Variants in GFPT1 observed in about 807,000 individuals in gnomAD.
GFPT1 encodes glutamine--fructose-6-phosphate aminotransferase [isomerizing] 1.
A neutral mutation model predicts 92.0 loss-of-function variants in GFPT1; 40 were observed. That is an observed-to-expected ratio of 0.43 (90% CI 0.34 to 0.57). The LOEUF (loss-of-function observed/expected upper bound fraction) is 0.57, where lower values mean the gene tolerates loss of function less well. GFPT1 is among the 20% of genes least tolerant of loss of function. The pLI is 0.02. For missense variants in GFPT1, 448 were observed against 869.1 expected, an observed-to-expected ratio of 0.52 and a Z score of 6.09; for synonymous variants, 269 against 280.6, an observed-to-expected ratio of 0.96 and a Z score of 0.41.
intron 1 of GFPT1, among the ~76,000 whole-genome samples, chr2:69,377,663 AAAAC>A (rs1449107040): frequency 2.6e-5 from 4 of 152,144 alleles, no homozygotes; most frequent in Non-Finnish European, 5.9e-5. Flanking sequence ...CCGTCTCAAA[AAAAC>A]AAACAAAGAA....
chr2:69,326,030 A>G lies in GFPT1; in HGVS notation c.*159T>C. ...GGGAAAATGTAAGAGGTAACTTCAC[A>G]AAAATCACATATTGAGTGGAATAAT... On this transcript the variant is annotated 3_prime_UTR_variant, in exon 20 of 20. Transcript: ENST00000357308. 1 of 590,516 alleles carries G rather than the reference A, an allele frequency of 1.7e-6. No homozygotes were observed. Among genetic ancestry groups the G allele is most frequent in the Non-Finnish European group, 3.0e-6 (1 of 334,104 alleles). The allele number at this position is 590,516 out of a possible 1,614,324, so 36.6% of individuals were successfully genotyped here.
chr2:69,348,385 A>G, intron 10 of GFPT1, 51 bp from the exon 11 acceptor site: 1 of 1,341,716 alleles, frequency 7.5e-7, no homozygotes, highest in South Asian at 1.2e-5. Context: ...GATCATTATT[A>G]CAAATGAAAC....
intron 4 of GFPT1, among the ~76,000 whole-genome samples, 186 bp downstream of exon 4, chr2:69,363,359 C>A (rs576635327): frequency 3.3e-5 from 5 of 152,152 alleles, no homozygotes; most frequent in Non-Finnish European, 7.3e-5. Flanking sequence ...CCAACTCAGG[C>A]TCCCAAAGTG....
chr2:69,328,246 G>A (rs1670579128), intron 18 of GFPT1, 25 bp downstream of exon 18: 1 of 1,586,508 alleles, frequency 6.3e-7, no homozygotes, highest in Non-Finnish European at 8.7e-7. Flanking sequence ...GATCCCCAAG[G>A]TGTTCTCACA....
At chr2:69,338,960 C>G (rs1670870045) in intron 13 of GFPT1, among the ~76,000 whole-genome samples, 1 of 152,094 alleles carries the variant, frequency 6.6e-6, no homozygotes, top group Admixed American at 6.6e-5. Flanking sequence ...CCACCATGCC[C>G]AGCTTAGTAG....
Position 69,348,225 on chromosome 2 carries a change from G to T in GFPT1, c.955C>A (p.His319Asn). 6.2e-7 allele frequency: 1 copy of T among 1,613,672 alleles called. No individual in the cohort carries two copies. The highest frequency in any genetic ancestry group is 8.5e-7 in the Non-Finnish European group (1 of 1,179,556). ...IHRIKRTAGD[H>N]PGRAVQTLQM... ...AGTGTTTGCACAGCTCGTCCGGGGT[G>T]ATCTCCTGCAGTTCGTTTAATTCGA... Residue 319 changes from histidine to asparagine, a missense_variant, in exon 11 of 20, where the codon CAC (histidine) becomes AAC (asparagine). His to Asn is a moderately conservative substitution (Grantham distance 68). This residue lies in a region of GFPT1 where 121 missense variants were observed against 304.3 expected (regional missense o/e 0.40). Transcript: ENST00000357308.
At chr2:69,330,981 G>A (rs188882966) in intron 15 of GFPT1, among the ~76,000 whole-genome samples, 8 of 152,214 alleles carry the variant, frequency 5.3e-5, no homozygotes, top group Non-Finnish European at 8.8e-5. Flanking sequence ...GGCTCAAAAC[G>A]TACTATAAAT....
Position 69,324,317 on chromosome 2 carries a change from T to C in GFPT1, c.*1872A>G, listed in dbSNP as rs1670482388. 1 of 152,182 alleles carries C rather than the reference T, an allele frequency of 6.6e-6. No homozygotes were observed. The highest frequency in any genetic ancestry group is 1.5e-5 in the Non-Finnish European group (1 of 68,046). 9.4% of individuals were successfully genotyped at this position (152,182 alleles called of 1,614,324 possible). On this transcript the variant is annotated 3_prime_UTR_variant, in exon 20 of 20. Transcript: ENST00000357308. Reference sequence around the variant, plus strand: ...AGTTTTAACTTAGAATGCTGAATCATACTTTAAACTATAAGAAATGCTACA... The same window carrying C: ...AGTTTTAACTTAGAATGCTGAATCACACTTTAAACTATAAGAAATGCTACA...
chr2:69,358,115 TA>T (rs1671384456), intron 6 of GFPT1, among the ~76,000 whole-genome samples: 2 of 152,128 alleles, frequency 1.3e-5, no homozygotes, highest in Non-Finnish European at 2.9e-5. Flanking sequence ...TTCATGACAT[TA>T]AACCTGAATG....
chr2:69,369,895 T>TA (rs1284897145), intron 3 of GFPT1, 106 bp downstream of exon 3: 1 of 763,746 alleles, frequency 1.3e-6, no homozygotes, highest in African/African-American at 1.7e-5. Flanking sequence ...CCATTATCAT[T>TA]AAAATTGGTC....
At position 69,324,634 on chromosome 2, in the gene GFPT1, A is replaced by G. The variant is rs1670487988; in HGVS notation, c.*1555T>C. The G allele has an allele frequency of 2.0e-5, 3 of 152,190 alleles. No homozygotes were observed. Among genetic ancestry groups the G allele is most frequent in the South Asian group, 2.1e-4 (1 of 4,818 alleles). 9.4% of individuals were successfully genotyped at this position (152,190 alleles called of 1,614,324 possible). On this transcript the variant is annotated 3_prime_UTR_variant, in exon 20 of 20. Coordinates refer to ENST00000357308, the MANE Select transcript of GFPT1 (RefSeq NM_001244710.2). ...ATTCTATGCTTCTCTGGCAACAACAATAACTATTAGAAAATCTTAACCTCA... is the reference window on the plus strand; with the variant it reads ...ATTCTATGCTTCTCTGGCAACAACAGTAACTATTAGAAAATCTTAACCTCA...
chr2:69,319,998 T>C lies in GFPT1; in HGVS notation c.*6191A>G, dbSNP rs193289228. Reference sequence around the variant, plus strand: ...TTTCTCTTGCCTAGAAGCTAAAGCCTTAATTGTCTCAGATATCTTCCATCT... The same window carrying C: ...TTTCTCTTGCCTAGAAGCTAAAGCCCTAATTGTCTCAGATATCTTCCATCT... On this transcript the variant is annotated 3_prime_UTR_variant, in exon 20 of 20. Transcript: ENST00000357308. The C allele has an allele frequency of 2.0e-5, 3 of 152,340 alleles. No homozygotes were observed. The East Asian group carries it at 5.8e-4, about 29-fold the overall frequency. The allele number at this position is 152,340 out of a possible 1,614,324, so 9.4% of individuals were successfully genotyped here.
chr2:69,375,919 A>G (rs989838874), intron 1 of GFPT1, among the ~76,000 whole-genome samples: 9 of 152,232 alleles, frequency 5.9e-5, no homozygotes, highest in Middle Eastern at 3.2e-3. Context: ...CCAACTTTCA[A>G]TGGCTACTCA....
chr2:69,358,329 C>G lies in GFPT1; in HGVS notation c.543G>C (p.Leu181Phe). 6.2e-7 allele frequency: 1 copy of G among 1,611,356 alleles called. No homozygotes were observed. Among genetic ancestry groups the G allele is most frequent in the Non-Finnish European group, 8.5e-7 (1 of 1,177,794 alleles). The change falls in exon 6 of 20, where the codon TTG becomes TTC. Residue 181 changes from leucine to phenylalanine, a missense_variant and splice_region_variant. By Grantham distance (22) the Leu-to-Phe change is conservative. Transcript: ENST00000357308. ...TATCTTTAAAAATGTGGCTTAATACCAATTGTTGGATAACTCTCTCCACCA... is the reference window on the plus strand; with the variant it reads ...TATCTTTAAAAATGTGGCTTAATACGAATTGTTGGATAACTCTCTCCACCA... ...TTLVERVIQQ[L>F]EGAFALVFKS...
At chr2:69,363,915 G>C (rs1045015677) in intron 3 of GFPT1, among the ~76,000 whole-genome samples, 1 of 152,136 alleles carries the variant, frequency 6.6e-6, no homozygotes, top group Non-Finnish European at 1.5e-5. Context: ...AGGAGTTCAA[G>C]ACCAGTCTGG....
At chr2:69,361,889 AAG>A (rs1340205682) in intron 4 of GFPT1, among the ~76,000 whole-genome samples, 6 of 152,142 alleles carry the variant, frequency 3.9e-5, no homozygotes, top group Non-Finnish European at 8.8e-5. Context: ...CTGAGGCAGG[AAG>A]ATCACTTGTG....
Position 69,374,073 on chromosome 2 carries a change from T to C in GFPT1, c.48A>G (p.Arg16=), listed in dbSNP as rs2104688305. 6.3e-7 allele frequency: 1 copy of C among 1,599,314 alleles called. No homozygotes were observed. Among genetic ancestry groups the C allele is most frequent in the East Asian group, 2.2e-5 (1 of 44,626 alleles). Residue 16 remains arginine (R), a synonymous_variant, in exon 2 of 20, where the codon AGA becomes AGG. Coordinates refer to ENST00000357308, the MANE Select transcript of GFPT1 (RefSeq NM_001244710.2). ...TGATTAGGGTCTCCAGGATTTCTCG[T>C]CTCGTTCGAGGAACATGGTAGTTTA... ...AYLNYHVPRT[R]REILETLIKG... is the part of the protein sequence containing the mutation.
At chr2:69,368,622 G>A (rs186191012) in intron 3 of GFPT1, among the ~76,000 whole-genome samples, 8 of 152,102 alleles carry the variant, frequency 5.3e-5, no homozygotes, top group South Asian at 4.2e-4. Flanking sequence ...CCAGCCACTC[G>A]GGAGTCTGAA....
At chr2:69,383,820 G>T (rs1672065237) in intron 1 of GFPT1, among the ~76,000 whole-genome samples, 3 of 152,026 alleles carry the variant, frequency 2.0e-5, no homozygotes, top group Non-Finnish European at 4.4e-5. Context: ...TAGAGACAGG[G>T]TTTCACCATG....
Sources: gnomAD v4.1 joint callset for allele counts (sites outside exome capture counted in the v4.1 genomes callset) on GRCh38, gnomAD v4.1.1 for gene constraint, gnomAD v4.1.1 regional missense constraint, MANE v1.5 for transcripts, NCBI Gene and HGNC (gene_info 2026-07-23, HGNC 2026-07-21) for gene names.